Variants in MYO3B observed in about 807,000 individuals in gnomAD.
The protein encoded by MYO3B is myosin IIIB.
A neutral mutation model predicts 174.6 loss-of-function variants in MYO3B; 156 were observed. The observed-to-expected ratio is 0.89, with a 90% confidence interval of 0.78 to 1.02. The LOEUF (loss-of-function observed/expected upper bound fraction) is 1.02. MYO3B is among the 50% of genes least tolerant of loss of function. MYO3B has a pLI of 0.00. For synonymous variants in MYO3B, 563 were observed against 569.1 expected (o/e 0.99, Z 0.15); for missense variants, 1,632 against 1,639.4 (o/e 1.00, Z 0.08).
intron 28 of MYO3B, among the ~76,000 whole-genome samples, chr2:170,510,625 G>T (rs192048420): frequency 3.6e-4 from 55 of 151,664 alleles, no homozygotes; most frequent in Admixed American, 2.1e-3. Context: ...ACTGGATGAA[G>T]GTGGGTCCTG....
At chr2:170,492,071 A>C (rs1686524280) in intron 25 of MYO3B, among the ~76,000 whole-genome samples, 1 of 149,794 alleles carries the variant, frequency 6.7e-6, no homozygotes, top group Non-Finnish European at 1.5e-5. Flanking sequence ...AAAAAAAAAG[A>C]TTTGTGATTT....
At chr2:170,227,300 G>C (rs566668692) in intron 6 of MYO3B, among the ~76,000 whole-genome samples, 26 of 152,096 alleles carry the variant, frequency 1.7e-4, no homozygotes, top group African/African-American at 5.8e-4. Flanking sequence ...GGGGAAGTGG[G>C]GGGGTACAGG....
At chr2:170,372,118 C>CAAAAAAAAAAAAAAAAAAAAAAAAA (rs769243145) in intron 9 of MYO3B, among the ~76,000 whole-genome samples, 2 of 22,210 alleles carry the variant, frequency 9.0e-5, no homozygotes, top group Admixed American at 8.0e-4. Context: ...GACCCTGTCT[C>CAAAAAAAAAAAAAAAAAAAAAAAAA]AAAAAAAAAA....
chr2:170,635,429 A>T (rs1261974009), intron 32 of MYO3B, among the ~76,000 whole-genome samples: 1 of 151,768 alleles, frequency 6.6e-6, no homozygotes, highest in Non-Finnish European at 1.5e-5. Flanking sequence ...ACTCGGACAC[A>T]GTAAGAGGAA....
In MYO3B at chr2:170,360,784, CT is replaced by C. The variant is rs558545136; in HGVS notation, c.816-8434del. ...GGAGAGGCAGTTAGTCTCTTCTTGC[CT>C]TTTGGCCTTCCACTGTGTGAAGACA... On this transcript the variant is annotated intron_variant, in intron 8 of 34. Coordinates refer to ENST00000408978, the MANE Select transcript of MYO3B (RefSeq NM_138995.5). 1.0e-3 allele frequency among the ~76,000 whole-genome samples: 154 copies of C among 152,300 alleles called. 1 individual carries two copies. The Middle Eastern group carries it at 0.024, about 24-fold the overall frequency.
intron 8 of MYO3B, among the ~76,000 whole-genome samples, chr2:170,358,163 A>C (rs948698786): frequency 2.0e-5 from 3 of 151,902 alleles, no homozygotes; most frequent in East Asian, 1.9e-4. Context: ...AAAAAAAAAA[A>C]CAAAAAAACA....
In MYO3B at chr2:170,429,096, G is replaced by A. The variant is rs531063579; in HGVS notation, c.2651-14871G>A. Among the ~76,000 whole-genome samples, 20 of 152,228 alleles carry A rather than the reference G, an allele frequency of 1.3e-4. No individual in the cohort carries two copies. In the East Asian group the frequency reaches 3.5e-3, roughly 26 times the overall value. On this transcript the variant is annotated intron_variant, in intron 22 of 34. Transcript: ENST00000408978. Reference sequence around the variant, plus strand: ...AAACACAAGGAAGCATAGGTGTTGCGGGAAATTATATGACTGACCTACCAC... The same window carrying A: ...AAACACAAGGAAGCATAGGTGTTGCAGGAAATTATATGACTGACCTACCAC...
intron 23 of MYO3B, among the ~76,000 whole-genome samples, chr2:170,458,886 C>T (rs909458633): frequency 6.6e-6 from 1 of 152,198 alleles, no homozygotes; most frequent in Non-Finnish European, 1.5e-5. Flanking sequence ...AGAAAATACT[C>T]CAATAACATA....
At position 170,293,978 on chromosome 2, in the gene MYO3B, C is replaced by CTTT. The variant is rs11445077; in HGVS notation, c.750-41401_750-41399dup. Among the ~76,000 whole-genome samples, 1,362 of 151,416 alleles carry CTTT rather than the reference C, an allele frequency of 9.0e-3. 20 individuals carry two copies. Among genetic ancestry groups the CTTT allele is most frequent in the African/African-American group, 0.031 (1,278 of 41,318 alleles). ...GTTGGGTGATTCTTAGAATTTCGTT[C>CTTT]TTTTTTTTCCCTGTTCACCTGCTCC... On this transcript the variant is annotated intron_variant, in intron 7 of 34. Transcript: ENST00000408978.
intron 23 of MYO3B, among the ~76,000 whole-genome samples, chr2:170,460,867 G>A (rs531626859): frequency 6.6e-6 from 1 of 152,286 alleles, no homozygotes; most frequent in East Asian, 1.9e-4. Flanking sequence ...TATTTGTGCA[G>A]ATTTATGGGG....
intron 28 of MYO3B, among the ~76,000 whole-genome samples, chr2:170,504,109 T>G (rs7562747): frequency 0.98 from 149,661 of 152,318 alleles, 73,567 homozygotes; most frequent in Non-Finnish European, 1. Context: ...GGACATTTCC[T>G]AGTAGAACCA....
intron 32 of MYO3B, among the ~76,000 whole-genome samples, chr2:170,642,988 A>G (rs987346998): frequency 6.6e-6 from 1 of 152,096 alleles, no homozygotes; most frequent in South Asian, 2.1e-4. Context: ...GTCAAGCACA[A>G]TGGTTCTTAA....
At chr2:170,249,998 G>A (rs972665273) in intron 7 of MYO3B, among the ~76,000 whole-genome samples, 2 of 152,122 alleles carry the variant, frequency 1.3e-5, no homozygotes, top group Non-Finnish European at 2.9e-5. Flanking sequence ...GCCACTTGAG[G>A]TTTAGAACAA....
At chr2:170,398,228 G>GAAAAAAAAAAAAAAAAAAAAAAA in intron 16 of MYO3B, among the ~76,000 whole-genome samples, 1 of 87,960 alleles carries the variant, frequency 1.1e-5, no homozygotes, top group Non-Finnish European at 2.2e-5. Flanking sequence ...TGTCTCAAAA[G>GAAAAAAAAAAAAAAAAAAAAAAA]AAAAAAAAAA....
Position 170,394,923 on chromosome 2 carries a change from G to A in MYO3B, c.1791+2428G>A, listed in dbSNP as rs142716825. On this transcript the variant is annotated intron_variant, in intron 16 of 34. Coordinates refer to ENST00000408978, the MANE Select transcript of MYO3B (RefSeq NM_138995.5). ...CAGAACTTTCTCTTAAGTTTTTCTG[G>A]CAGACATTTCTAGATAAAGCTTAAA... is the stretch of plus-strand genomic sequence containing the variant. Among the ~76,000 whole-genome samples, 25 of 152,294 alleles carry A rather than the reference G, an allele frequency of 1.6e-4. No individual in the cohort carries two copies. The East Asian group carries it at 4.8e-3, about 29-fold the overall frequency.
chr2:170,399,665 G>A (rs1488304992), intron 16 of MYO3B, among the ~76,000 whole-genome samples: 1 of 151,988 alleles, frequency 6.6e-6, no homozygotes, highest in Non-Finnish European at 1.5e-5. Context: ...CTTCATAAAA[G>A]CGATATTCAA....
At chr2:170,498,532 TCTA>T (rs1192460009) in intron 25 of MYO3B, 57 bp from the exon 26 acceptor site, 3 of 1,185,390 alleles carry the variant, frequency 2.5e-6, no homozygotes, top group Non-Finnish European at 3.7e-6. Flanking sequence ...CCCGAGTAAT[TCTA>T]CTATGCTGAG....
chr2:170,551,309 A>C (rs746066144), intron 32 of MYO3B, among the ~76,000 whole-genome samples: 1 of 148,826 alleles, frequency 6.7e-6, no homozygotes. Flanking sequence ...GCCCCACCAG[A>C]TCTGAATGTT....
intron 9 of MYO3B, among the ~76,000 whole-genome samples, chr2:170,381,584 G>A (rs1003030551): frequency 5.3e-5 from 8 of 152,158 alleles, no homozygotes; most frequent in Non-Finnish European, 1.0e-4. Context: ...AAAGTGTTAC[G>A]TAGGTTAAAA....
Sources: gnomAD v4.1 joint callset for allele counts (sites outside exome capture counted in the v4.1 genomes callset) on GRCh38, gnomAD v4.1.1 for gene constraint, MANE v1.5 for transcripts, NCBI Gene and HGNC (gene_info 2026-07-23, HGNC 2026-07-21) for gene names.